TAPT1: variants seen among roughly 807,000 people sequenced by gnomAD.
The protein encoded by TAPT1 is transmembrane anterior posterior transformation 1, also known as transmembrane anterior posterior transformation protein 1 homolog.
In TAPT1, 28 loss-of-function variants were observed where a neutral mutation model predicts 65.6. The observed-to-expected ratio is 0.43, with a 90% CI of 0.32 to 0.59. The LOEUF (loss-of-function observed/expected upper bound fraction) is 0.59. TAPT1 is among the 20% of genes least tolerant of loss of function. The pLI, the probability that TAPT1 is intolerant of heterozygous loss-of-function variation, is 0.09. For synonymous variants in TAPT1, 278 were observed against 245.2 expected (o/e 1.13, Z -1.25); for missense variants, 563 against 679.9 (o/e 0.83, Z 1.91).
At chr4:16,202,253 C>A (rs969453944) in intron 3 of TAPT1, among the ~76,000 whole-genome samples, 5 of 151,758 alleles carry the variant, frequency 3.3e-5, no homozygotes, top group African/African-American at 1.2e-4. Flanking sequence ...AGTTTCGGTT[C>A]AAAACAATTC....
chr4:16,165,395 C>T (rs1370052391), intron 13 of TAPT1, among the ~76,000 whole-genome samples: 1 of 151,866 alleles, frequency 6.6e-6, no homozygotes, highest in East Asian at 1.9e-4. Context: ...ATGGTGAAAC[C>T]CCGTCTCTAC....
chr4:16,174,223 G>A lies in TAPT1; in HGVS notation c.1217C>T (p.Pro406Leu). ...DSVARRMGFI[P>L]LPLAVLLIRV... is the part of the protein sequence containing the mutation. ...ACTTACTAAAACAGCTAGTGGGAGA[G>A]GAATAAAGCCCATCCTCCGTGCTAC... The change falls in exon 11 of 14, where the codon CCT (proline) becomes CTT (leucine). Residue 406 changes from proline (P) to leucine (L), a missense_variant. By Grantham distance (98) the Pro-to-Leu change is moderately conservative. Around this residue, in one of 5 missense-constraint regions of TAPT1, gnomAD observed 104 missense variants for 102.5 expected, o/e 1.01. Coordinates refer to ENST00000405303, the MANE Select transcript of TAPT1 (RefSeq NM_153365.3). The A allele has an allele frequency of 1.9e-6, 3 of 1,607,452 alleles. No homozygotes were observed. The highest frequency in any genetic ancestry group is 4.5e-5 in the East Asian group (2 of 44,682).
At chr4:16,181,385 T>C (rs1748699149) in intron 7 of TAPT1, among the ~76,000 whole-genome samples, 1 of 152,232 alleles carries the variant, frequency 6.6e-6, no homozygotes, top group Non-Finnish European at 1.5e-5. Context: ...TAAAACACTA[T>C]CTGAAATGAG....
intron 12 of TAPT1, among the ~76,000 whole-genome samples, chr4:16,167,424 T>C (rs1475952216): frequency 1.3e-5 from 2 of 152,238 alleles, no homozygotes; most frequent in Non-Finnish European, 2.9e-5. Flanking sequence ...ATAATAAAAT[T>C]ACATGATTCC....
At chr4:16,226,206 G>A (rs1024533151) in intron 1 of TAPT1, 53 bp downstream of exon 1, 81 of 1,090,706 alleles carry the variant, frequency 7.4e-5, no homozygotes, top group Non-Finnish European at 8.8e-5. Flanking sequence ...CGCCGCCCTC[G>A]GTCCCCAGTC....
intron 1 of TAPT1, among the ~76,000 whole-genome samples, chr4:16,221,113 T>C (rs1050658238): frequency 1.5e-5 from 2 of 131,262 alleles, no homozygotes; most frequent in Non-Finnish European, 1.6e-5. Flanking sequence ...TACGTACATA[T>C]ATATATACTT....
intron 12 of TAPT1, 182 bp from the exon 13 acceptor site, chr4:16,166,975 G>A (rs191939313): frequency 1.3e-5 from 6 of 463,080 alleles, no homozygotes; most frequent in South Asian, 8.3e-5. Context: ...GAAAAACTTC[G>A]GAATTCCTTA....
In TAPT1 at chr4:16,198,604, C is replaced by T. The variant is rs775970800; in HGVS notation, c.449+3858G>A. On this transcript the variant is annotated intron_variant, in intron 3 of 13. Transcript: ENST00000405303. ...AAAAAATTGCAATCAACTTCTTTGC[C>T]AGTCTATTTCACTTCTTCTTATTTC... Among the ~76,000 whole-genome samples the T allele has an allele frequency of 1.3e-4, 20 of 151,934 alleles. No homozygotes were observed. The South Asian group carries it at 2.9e-3, about 22-fold the overall frequency.
chr4:16,167,748 G>A (rs146358072), intron 12 of TAPT1, among the ~76,000 whole-genome samples: 2,356 of 152,152 alleles, frequency 0.015, 72 homozygotes, highest in African/African-American at 0.054. Flanking sequence ...TATTATTGTT[G>A]TTATTTATAT....
chr4:16,227,203 C>T (rs1751641842), upstream of TAPT1: 1 of 455,396 alleles, frequency 2.2e-6, no homozygotes, highest in African/African-American at 2.0e-5. Flanking sequence ...GGAGGGGCCG[C>T]GGCCGGACCG....
chr4:16,219,270 C>T (rs1404845224), intron 1 of TAPT1, among the ~76,000 whole-genome samples: 1 of 152,138 alleles, frequency 6.6e-6, no homozygotes, highest in South Asian at 2.1e-4. Flanking sequence ...GCCTCAAGTG[C>T]CTTTGTAAAC....
intron 8 of TAPT1, among the ~76,000 whole-genome samples, chr4:16,177,573 T>C (rs1748415414): frequency 6.6e-6 from 1 of 152,206 alleles, no homozygotes; most frequent in South Asian, 2.1e-4. Context: ...AACTGCTATA[T>C]GACCTTGGAC....
At chr4:16,183,190 C>T (rs146003807) in intron 7 of TAPT1, 14 of 152,178 alleles carry the variant, frequency 9.2e-5, no homozygotes, top group Non-Finnish European at 1.9e-4. Context: ...TTTTTTCTTA[C>T]TTGAGAAGGG....
intron 8 of TAPT1, among the ~76,000 whole-genome samples, chr4:16,178,087 C>T (rs765580844): frequency 6.6e-5 from 10 of 152,298 alleles, no homozygotes; most frequent in Non-Finnish European, 7.4e-5. Flanking sequence ...TACATGTACT[C>T]TACCGGAACC....
intron 2 of TAPT1, among the ~76,000 whole-genome samples, chr4:16,210,200 G>T (rs185788005): frequency 4.6e-4 from 70 of 152,254 alleles, no homozygotes; most frequent in African/African-American, 1.6e-3. Flanking sequence ...TTCCCTAGAG[G>T]TTTTTTCTGC....
chr4:16,186,847 T>C lies in TAPT1; in HGVS notation c.780A>G (p.Ala260=). ...FLHAILIMVQ[A]TTLNVAFNSH... is the part of the protein sequence containing the mutation. ...AGTTAAAAGCTACATTGAGAGTTGT[T>C]GCTTGAACCATTATAAGAATTGCAT... is the stretch of plus-strand genomic sequence containing the variant. Residue 260 remains alanine (A), a synonymous_variant, in exon 6 of 14, where the codon GCA becomes GCG. Transcript: ENST00000405303. 7 of 1,611,928 alleles carry C rather than the reference T, an allele frequency of 4.3e-6. No homozygotes were observed. Among genetic ancestry groups the C allele is most frequent in the Non-Finnish European group, 5.9e-6 (7 of 1,178,608 alleles).
Position 16,226,416 on chromosome 4 carries a change from G to A in TAPT1, c.42C>T (p.Gly14=). ...VGDAAAPGEG[G]GGGVDGPQRD... ...GCTGCGGGCCGTCCACGCCGCCACC[G>A]CCGCCTTCTCCCGGAGCGGCCGCGT... is the stretch of plus-strand genomic sequence containing the variant. The change falls in exon 1 of 14, where the codon GGC becomes GGT. Residue 14 remains glycine, a synonymous_variant. Coordinates refer to ENST00000405303, the MANE Select transcript of TAPT1 (RefSeq NM_153365.3). The A allele has an allele frequency of 3.7e-6, 4 of 1,087,222 alleles. No homozygotes were observed. The highest frequency in any genetic ancestry group is 5.9e-5 in the East Asian group (1 of 17,000). The allele number at this position is 1,087,222 out of a possible 1,614,324, so 67.3% of individuals were successfully genotyped here.
At position 16,202,249 on chromosome 4, in the gene TAPT1, G is replaced by A. The variant is rs112363301; in HGVS notation, c.449+213C>T. Among the ~76,000 whole-genome samples, 1,504 of 151,820 alleles carry A rather than the reference G, an allele frequency of 9.9e-3. 20 individuals are homozygous for A. The highest frequency in any genetic ancestry group is 0.031 in the African/African-American group (1,295 of 41,416). On this transcript the variant is annotated intron_variant, in intron 3 of 13. Transcript: ENST00000405303. ...ATTTTACCGGCTAAAGCAAAGTTTC[G>A]GTTCAAAACAATTCTGGAAAAAAAT...
chr4:16,192,573 T>C (rs986186403), intron 3 of TAPT1, among the ~76,000 whole-genome samples: 16 of 152,190 alleles, frequency 1.1e-4, no homozygotes, highest in African/African-American at 3.6e-4. Context: ...AAAGGAACCA[T>C]CTTAACAAGA....
Sources: allele counts gnomAD v4.1 joint callset (sites outside exome capture counted in the v4.1 genomes callset), GRCh38; gene constraint gnomAD v4.1.1; regional missense constraint gnomAD v4.1.1; transcripts MANE v1.5; gene names NCBI Gene and HGNC (gene_info 2026-07-23, HGNC 2026-07-21).